ARHGAP15: variants seen among roughly 807,000 people sequenced by gnomAD.
ARHGAP15 encodes the protein rho GTPase-activating protein 15.
Under a neutral mutation model 63.7 loss-of-function variants are expected in ARHGAP15, and 51 were observed. That is an observed-to-expected ratio of 0.80 (90% CI 0.64 to 1.01). The LOEUF (loss-of-function observed/expected upper bound fraction) is 1.01, where lower values mean the gene tolerates loss of function less well. ARHGAP15 is among the 50% of genes least tolerant of loss of function. The pLI, the probability that ARHGAP15 is intolerant of heterozygous loss-of-function variation, is 0.00. For synonymous variants in ARHGAP15, 191 were observed against 193.8 expected (o/e 0.99, Z 0.12); for missense variants, 560 against 564.6 (o/e 0.99, Z 0.08).
intron 6 of ARHGAP15, among the ~76,000 whole-genome samples, chr2:143,404,147 G>A (rs1396148919): frequency 6.6e-6 from 1 of 151,750 alleles, no homozygotes; most frequent in Non-Finnish European, 1.5e-5. Flanking sequence ...GGCAAATTTT[G>A]GCATCAGTAG....
At chr2:143,624,036 G>C in intron 11 of ARHGAP15, 97 bp from the exon 12 acceptor site, 2 of 1,449,282 alleles carry the variant, frequency 1.4e-6, no homozygotes, top group Non-Finnish European at 1.9e-6. Context: ...GCTGTTAACG[G>C]TTGCTGATGA....
In ARHGAP15 at chr2:143,345,758, G is replaced by T. The variant is rs572175058; in HGVS notation, c.475-89843G>T. ...GCATATGAATTTGTGTTTGCAAGGT[G>T]TATACTAAGAGAATAGAATTGTACA... On this transcript the variant is annotated intron_variant, in intron 6 of 13. Transcript: ENST00000295095. Among the ~76,000 whole-genome samples, 3 of 152,208 alleles carry T rather than the reference G, an allele frequency of 2.0e-5. No individual in the cohort carries two copies. In the East Asian group the frequency reaches 5.8e-4, roughly 29 times the overall value.
At chr2:143,721,464 T>C (rs886873449) in intron 13 of ARHGAP15, among the ~76,000 whole-genome samples, 7 of 152,188 alleles carry the variant, frequency 4.6e-5, no homozygotes, top group African/African-American at 1.7e-4. Flanking sequence ...GTGCCTACTC[T>C]GCAAAGTGTC....
intron 6 of ARHGAP15, among the ~76,000 whole-genome samples, chr2:143,379,344 T>C (rs1338756537): frequency 7.8e-6 from 1 of 127,904 alleles, no homozygotes; most frequent in Non-Finnish European, 1.6e-5. Context: ...TTTTTAGGCA[T>C]ATATATATAT....
chr2:143,301,778 C>A (rs562329821), intron 6 of ARHGAP15, among the ~76,000 whole-genome samples: 3 of 150,990 alleles, frequency 2.0e-5, no homozygotes, highest in Non-Finnish European at 4.4e-5. Flanking sequence ...CATACATGGA[C>A]GGATGTATCT....
At chr2:143,733,288 C>A (rs1685619630) in intron 13 of ARHGAP15, among the ~76,000 whole-genome samples, 1 of 152,112 alleles carries the variant, frequency 6.6e-6, no homozygotes, top group African/African-American at 2.4e-5. Flanking sequence ...CTGAGTTGAG[C>A]CCTTTCTAGG....
chr2:143,693,032 T>C (rs182140724), intron 12 of ARHGAP15, among the ~76,000 whole-genome samples: 1 of 152,306 alleles, frequency 6.6e-6, no homozygotes, highest in East Asian at 1.9e-4. Flanking sequence ...TGATAGTTTT[T>C]TTTTAATGGA....
At chr2:143,437,186 C>A in intron 8 of ARHGAP15, 144 bp downstream of exon 8, 3 of 906,132 alleles carry the variant, frequency 3.3e-6, no homozygotes, top group Non-Finnish European at 3.3e-6. Context: ...GATTTGTGCA[C>A]TGGAGGGCAG....
At position 143,145,547 on chromosome 2, in the gene ARHGAP15, C is replaced by A. The variant is rs554066911; in HGVS notation, c.-14-9930C>A. 6.6e-5 allele frequency among the ~76,000 whole-genome samples: 10 copies of A among 152,156 alleles called. No homozygotes were observed. The South Asian group carries it at 2.1e-3, about 32-fold the overall frequency. On this transcript the variant is annotated intron_variant, in intron 1 of 13. Transcript: ENST00000295095. ...AAACCTCCTAGTTGATAACAATCTG[C>A]AAATCTGAACTTCTCAGTATTCCCC...
intron 11 of ARHGAP15, among the ~76,000 whole-genome samples, chr2:143,596,329 G>T (rs1697517520): frequency 6.6e-6 from 1 of 152,060 alleles, no homozygotes. Flanking sequence ...GCAAAAGGTT[G>T]TATTTTTTAC....
intron 10 of ARHGAP15, among the ~76,000 whole-genome samples, chr2:143,521,440 A>C (rs1383647312): frequency 6.6e-6 from 1 of 152,200 alleles, no homozygotes; most frequent in East Asian, 1.9e-4. Flanking sequence ...AAATTCTGGC[A>C]TAAAGCATTT....
chr2:143,303,967 A>G (rs533922142), intron 6 of ARHGAP15, among the ~76,000 whole-genome samples: 70 of 152,284 alleles, frequency 4.6e-4, no homozygotes, highest in African/African-American at 1.7e-3. Context: ...GGTGCTGGAG[A>G]GGATGTGGAG....
At chr2:143,546,141 G>A (rs1442161428) in intron 10 of ARHGAP15, among the ~76,000 whole-genome samples, 1 of 152,102 alleles carries the variant, frequency 6.6e-6, no homozygotes, top group Non-Finnish European at 1.5e-5. Context: ...GAGGGACGTG[G>A]TTTGGGAATC....
At position 143,235,862 on chromosome 2, in the gene ARHGAP15, T is replaced by C. The variant is rs377041348; in HGVS notation, c.384+7194T>C. 9.1e-5 allele frequency: 131 copies of C among 1,438,166 alleles called. No individual in the cohort carries two copies. In the African/African-American group the frequency reaches 1.3e-3, roughly 14 times the overall value. 89.1% of individuals were successfully genotyped at this position (1,438,166 alleles called of 1,614,324 possible). A position where few individuals can be genotyped will look rare whatever the true frequency, so the allele number is the denominator to read the frequency against. On this transcript the variant is annotated intron_variant, in intron 5 of 13. Transcript: ENST00000295095. ...ATTTTTCAGGTACACTTTCCTATTT[T>C]AGTATCAGTGAAGTATTTCAATTGA...
chr2:143,739,573 C>T (rs1041264114), intron 13 of ARHGAP15, among the ~76,000 whole-genome samples: 34 of 152,126 alleles, frequency 2.2e-4, no homozygotes, highest in Non-Finnish European at 1.9e-4. Flanking sequence ...AAATTAGAAC[C>T]CCAGTATCTT....
intron 6 of ARHGAP15, among the ~76,000 whole-genome samples, chr2:143,406,811 A>G (rs370965016): frequency 1.2e-4 from 19 of 152,004 alleles, no homozygotes; most frequent in South Asian, 6.2e-4. Flanking sequence ...CTGTAAGGCA[A>G]TGAACACCAT....
intron 6 of ARHGAP15, among the ~76,000 whole-genome samples, chr2:143,409,743 G>A (rs1688367660): frequency 1.3e-5 from 2 of 152,116 alleles, no homozygotes. Flanking sequence ...ATTGCCTGTA[G>A]TGTTCAGTAC....
At chr2:143,216,950 A>G (rs1692780389) in intron 4 of ARHGAP15, among the ~76,000 whole-genome samples, 1 of 152,230 alleles carries the variant, frequency 6.6e-6, no homozygotes, top group Non-Finnish European at 1.5e-5. Context: ...AAAAATCTTG[A>G]AGAAAAAAAG....
chr2:143,391,083 A>G (rs1328634717), intron 6 of ARHGAP15, among the ~76,000 whole-genome samples: 1 of 152,128 alleles, frequency 6.6e-6, no homozygotes, highest in East Asian at 1.9e-4. Context: ...AAAGGTAAAG[A>G]AGGGCATAGA....
Sources: allele counts gnomAD v4.1 joint callset (sites outside exome capture counted in the v4.1 genomes callset), GRCh38; gene constraint gnomAD v4.1.1; transcripts MANE v1.5; gene names NCBI Gene and HGNC (gene_info 2026-07-23, HGNC 2026-07-21).